LAMA2: variants seen among roughly 807,000 people sequenced by gnomAD.
LAMA2 encodes laminin subunit alpha-2.
A neutral mutation model predicts 364.8 loss-of-function variants in LAMA2; 269 were observed. The observed-to-expected ratio is 0.74, with a 90% CI of 0.67 to 0.82. LAMA2 has a LOEUF of 0.82. Among genes scored for constraint, LAMA2 ranks in the 40% least tolerant of loss-of-function variants. LAMA2 has a pLI of 0.00. For missense variants in LAMA2, 3,807 were observed against 3,873.2 expected (o/e 0.98, Z 0.45); for synonymous variants, 1,379 against 1,370.6 (o/e 1.01, Z -0.14).
intron 12 of LAMA2, among the ~76,000 whole-genome samples, chr6:129,200,119 T>C (rs1346920770): frequency 1.9e-5 from 2 of 107,278 alleles, no homozygotes; most frequent in East Asian, 2.5e-4. Flanking sequence ...CACGTATATA[T>C]ATGTGTATAT....
chr6:129,304,419 A>G (rs1773741151), intron 22 of LAMA2, among the ~76,000 whole-genome samples: 1 of 152,020 alleles, frequency 6.6e-6, no homozygotes, highest in Non-Finnish European at 1.5e-5. Context: ...GCCCGCCACT[A>G]CGCCCGGCTA....
intron 37 of LAMA2, among the ~76,000 whole-genome samples, chr6:129,399,339 T>C (rs1043661907): frequency 2.0e-5 from 3 of 152,182 alleles, no homozygotes; most frequent in Non-Finnish European, 4.4e-5. Context: ...TGTCTATCAA[T>C]CATGTGGGGT....
chr6:129,158,846 C>T (rs1310166174), intron 8 of LAMA2: 1 of 1,613,838 alleles, frequency 6.2e-7, no homozygotes, highest in Non-Finnish European at 8.5e-7. Context: ...TGTGGTTTCT[C>T]CCTGGTCATC....
chr6:129,137,766 A>T (rs1020616841), intron 4 of LAMA2, among the ~76,000 whole-genome samples: 3 of 152,164 alleles, frequency 2.0e-5, no homozygotes, highest in Admixed American at 1.3e-4. Context: ...TGATATGTTC[A>T]TTCAACAAAT....
intron 19 of LAMA2, among the ~76,000 whole-genome samples, chr6:129,289,083 T>C (rs957174318): frequency 6.6e-6 from 1 of 152,122 alleles, no homozygotes; most frequent in South Asian, 2.1e-4. Context: ...AGAAGATGAG[T>C]TCTAGCTTTT....
At position 129,391,666 on chromosome 6, in the gene LAMA2, GTTA is replaced by G. The variant is rs771501857; in HGVS notation, c.5234+19_5234+21del. On this transcript the variant is annotated intron_variant, in intron 36 of 64. Transcript: ENST00000421865. ...AAGATGAGTTGGTGTGAGTAGATGA[GTTA>G]TTATTTTTTCTTTTGACAAACTGAG... 3 of 1,608,900 alleles carry G rather than the reference GTTA, an allele frequency of 1.9e-6. No homozygotes were observed. The highest frequency in any genetic ancestry group is 2.2e-5 in the East Asian group (1 of 44,796).
chr6:128,955,524 G>T (rs1214304518), intron 1 of LAMA2, among the ~76,000 whole-genome samples: 2 of 151,740 alleles, frequency 1.3e-5, no homozygotes, highest in African/African-American at 2.4e-5. Flanking sequence ...ATATGTAAAA[G>T]AACTCAAAAC....
At chr6:129,395,088 G>A (rs1453785452) in intron 37 of LAMA2, among the ~76,000 whole-genome samples, 1 of 151,616 alleles carries the variant, frequency 6.6e-6, no homozygotes, top group African/African-American at 2.4e-5. Flanking sequence ...AAGCCAACAG[G>A]TTTCATGGGC....
At chr6:128,932,882 T>G (rs1193835403) in intron 1 of LAMA2, among the ~76,000 whole-genome samples, 16 of 152,180 alleles carry the variant, frequency 1.1e-4, no homozygotes, top group Non-Finnish European at 1.2e-4. Context: ...TTTGGAAAAT[T>G]CCAAATAAAC....
At chr6:129,463,016 T>C (rs1783337245) in intron 49 of LAMA2, among the ~76,000 whole-genome samples, 1 of 152,010 alleles carries the variant, frequency 6.6e-6, no homozygotes. Context: ...AAAGTGTATC[T>C]TATTTTTCTC....
At chr6:129,478,906 T>G in intron 54 of LAMA2, 93 bp downstream of exon 54, 10 of 1,150,080 alleles carry the variant, frequency 8.7e-6, no homozygotes, top group Non-Finnish European at 1.3e-5. Flanking sequence ...CTTTTGTTAA[T>G]ATATTTTACT....
intron 3 of LAMA2, among the ~76,000 whole-genome samples, chr6:129,084,689 C>T (rs994850267): frequency 3.9e-5 from 6 of 152,190 alleles, no homozygotes; most frequent in African/African-American, 1.4e-4. Context: ...ACCTGCTGTT[C>T]CTTTTCACCA....
intron 1 of LAMA2, among the ~76,000 whole-genome samples, chr6:129,024,372 T>C (rs978546096): frequency 9.1e-6 from 1 of 109,800 alleles, no homozygotes; most frequent in African/African-American, 3.5e-5. Context: ...TGTAGCTTTT[T>C]CTTTTCTTTC....
At chr6:128,934,592 C>T (rs912197319) in intron 1 of LAMA2, among the ~76,000 whole-genome samples, 2 of 152,002 alleles carry the variant, frequency 1.3e-5, no homozygotes, top group African/African-American at 4.8e-5. Flanking sequence ...ACCTCCGTCT[C>T]CTGGGTTCAA....
intron 35 of LAMA2, 152 bp from the exon 36 acceptor site, chr6:129,391,339 G>C (rs1779306610): frequency 1.4e-6 from 1 of 727,134 alleles, no homozygotes; most frequent in African/African-American, 1.8e-5. Flanking sequence ...GTTACTGATT[G>C]TTGTCTTAAC....
In LAMA2 at chr6:129,438,631, GT is replaced by G; in HGVS notation, c.5969-9del. 7.5e-7 allele frequency: 1 copy of G among 1,332,280 alleles called. No individual in the cohort carries two copies. Among genetic ancestry groups the G allele is most frequent in the Non-Finnish European group, 1.1e-6 (1 of 927,272 alleles). The allele number at this position is 1,332,280 out of a possible 1,614,324, so 82.5% of individuals were successfully genotyped here. On this transcript the variant is annotated splice_polypyrimidine_tract_variant and intron_variant, in intron 41 of 64. Transcript: ENST00000421865. ...TAAAACTTATTTAATCCTTTTTTTT[GT>G]TTTTTATTCGCAGAAAATGAAGACC...
chr6:129,191,323 G>A (rs1034954791), intron 11 of LAMA2, among the ~76,000 whole-genome samples: 2 of 152,172 alleles, frequency 1.3e-5, no homozygotes, highest in Admixed American at 6.5e-5. Context: ...TTCTCTGCCT[G>A]CAGTGCTTTT....
intron 17 of LAMA2, 126 bp downstream of exon 17, chr6:129,270,877 A>C: frequency 9.5e-7 from 1 of 1,049,234 alleles, no homozygotes; most frequent in Non-Finnish European, 1.4e-6. Flanking sequence ...GAATTTTTTC[A>C]GGAAAATTAT....
intron 1 of LAMA2, among the ~76,000 whole-genome samples, chr6:128,887,275 T>C (rs570575752): frequency 6.7e-6 from 1 of 149,832 alleles, no homozygotes; most frequent in South Asian, 2.1e-4. Context: ...CTGGAATTAA[T>C]TTTTTTAAAT....
Sources: gnomAD v4.1 joint callset for allele counts (sites outside exome capture counted in the v4.1 genomes callset) on GRCh38, gnomAD v4.1.1 for gene constraint, MANE v1.5 for transcripts, NCBI Gene and HGNC (gene_info 2026-07-23, HGNC 2026-07-21) for gene names.